The following C13orf42 variants were observed in gnomAD, a reference collection of about 807,000 sequenced individuals.
C13orf42 encodes chromosome 13 open reading frame 42.
intron 1 of C13orf42, among the ~76,000 whole-genome samples, chr13:51,121,001 G>A (rs1421696970): frequency 6.6e-6 from 1 of 152,170 alleles, no homozygotes; most frequent in Non-Finnish European, 1.5e-5. Context: ...GCGACTGAGC[G>A]AGACTCCGTC....
chr13:51,141,445 G>T (rs1252715043), intron 1 of C13orf42, among the ~76,000 whole-genome samples: 3 of 152,052 alleles, frequency 2.0e-5, no homozygotes, highest in Non-Finnish European at 4.4e-5. Flanking sequence ...GTATTTATGT[G>T]TTGGGTACAG....
rs756560842 is a variant in C13orf42 at position 51,085,435 on chromosome 13, G to A, written c.687C>T (p.Thr229=). ...HTVDGQFRRS[T]EHRTVGTQRR... The stretch of plus-strand genomic sequence containing the variant: ...TCTGAGTGCCCACGGTCCTGTGCTC[G>A]GTGCTCCTTCGAAACTGGCCGTCTA... Residue 229 remains threonine (T), a synonymous_variant, in exon 3 of 4, where the codon ACC becomes ACT. Transcript: ENST00000563710. 19 of 398,442 alleles carry A rather than the reference G, an allele frequency of 4.8e-5. No homozygotes were observed. Among genetic ancestry groups the A allele is most frequent in the East Asian group, 1.1e-4 (3 of 28,082 alleles). 24.7% of individuals were successfully genotyped at this position (398,442 alleles called of 1,614,324 possible).
intron 1 of C13orf42, among the ~76,000 whole-genome samples, chr13:51,131,848 T>C (rs192922745): frequency 2.3e-4 from 35 of 152,370 alleles, no homozygotes; most frequent in African/African-American, 7.9e-4. Context: ...TATTAAACTT[T>C]AGTCTCATCA....
At chr13:51,109,613 G>C (rs989197106) in intron 1 of C13orf42, among the ~76,000 whole-genome samples, 1 of 152,030 alleles carries the variant, frequency 6.6e-6, no homozygotes, top group African/African-American at 2.4e-5. Flanking sequence ...AATTAGCCGC[G>C]TGTGGTGGCA....
At chr13:51,099,046 C>T (rs1269903699) in intron 1 of C13orf42, among the ~76,000 whole-genome samples, 1 of 152,156 alleles carries the variant, frequency 6.6e-6, no homozygotes, top group Non-Finnish European at 1.5e-5. Flanking sequence ...CAAAACAAGC[C>T]AAATTTACCC....
chr13:51,144,516 T>TTTCTCCAGAATTGGAAACTAC (rs1593550748), intron 1 of C13orf42, among the ~76,000 whole-genome samples: 13 of 117,756 alleles, frequency 1.1e-4, no homozygotes, highest in Admixed American at 1.5e-4. Flanking sequence ...TCTGTTTTCA[T>TTTCTCCAGAATTGGAAACTAC]TTGTAACAGG....
intron 1 of C13orf42, among the ~76,000 whole-genome samples, chr13:51,091,584 C>T (rs1243360767): frequency 1.3e-5 from 2 of 152,178 alleles, no homozygotes; most frequent in Admixed American, 1.3e-4. Flanking sequence ...GGTACCTAAT[C>T]CCAGTGGTTG....
chr13:51,108,431 C>T (rs1001669828), intron 1 of C13orf42, among the ~76,000 whole-genome samples: 7 of 152,132 alleles, frequency 4.6e-5, no homozygotes, highest in South Asian at 4.1e-4. Flanking sequence ...TCCCCTGTCC[C>T]GGCAATGCAC....
chr13:51,090,324 T>C (rs1459069836), intron 1 of C13orf42, among the ~76,000 whole-genome samples: 1 of 152,166 alleles, frequency 6.6e-6, no homozygotes, highest in Non-Finnish European at 1.5e-5. Flanking sequence ...TAGGTTCCCA[T>C]GGGTCTCATT....
chr13:51,153,380 T>A (rs1253346816), intron 1 of C13orf42, among the ~76,000 whole-genome samples: 1 of 151,854 alleles, frequency 6.6e-6, no homozygotes, highest in Non-Finnish European at 1.5e-5. Context: ...GTGTCTGCAC[T>A]CACCCAATGC....
chr13:51,094,561 C>T (rs924558724), intron 1 of C13orf42, among the ~76,000 whole-genome samples: 10 of 152,030 alleles, frequency 6.6e-5, no homozygotes, highest in African/African-American at 2.2e-4. Context: ...GTATTTTTAC[C>T]TTTTCCCAGT....
At chr13:51,087,779 G>A in intron 2 of C13orf42, 149 bp downstream of exon 2, 1 of 393,824 alleles carries the variant, frequency 2.5e-6, no homozygotes. Flanking sequence ...GCTCCAGCTT[G>A]GAGGTGCAGG....
At chr13:51,140,972 T>G (rs1953690711) in intron 1 of C13orf42, among the ~76,000 whole-genome samples, 1 of 152,180 alleles carries the variant, frequency 6.6e-6, no homozygotes, top group Non-Finnish European at 1.5e-5. Context: ...GTGATTATTG[T>G]TAGTTTAGCA....
chr13:51,134,513 T>C (rs372015919), intron 1 of C13orf42, among the ~76,000 whole-genome samples: 2 of 152,218 alleles, frequency 1.3e-5, no homozygotes, highest in African/African-American at 4.8e-5. Context: ...GGATTTATGA[T>C]GGTTAATAGG....
chr13:51,167,782 ACT>A (rs1953913650), intron 1 of C13orf42, among the ~76,000 whole-genome samples: 1 of 152,062 alleles, frequency 6.6e-6, no homozygotes, highest in Admixed American at 6.5e-5. Context: ...CGGCTAATCA[ACT>A]CTAGCGGTTT....
chr13:51,117,514 C>T (rs1012600420), intron 1 of C13orf42, among the ~76,000 whole-genome samples: 2 of 152,164 alleles, frequency 1.3e-5, no homozygotes, highest in South Asian at 4.1e-4. Flanking sequence ...GCTTATGCTT[C>T]CTTATCAAAC....
At chr13:51,169,324 A>G (rs1328657314) in intron 1 of C13orf42, among the ~76,000 whole-genome samples, 1 of 152,236 alleles carries the variant, frequency 6.6e-6, no homozygotes, top group African/African-American at 2.4e-5. Flanking sequence ...AACCAGAGCC[A>G]AAGTCACTTT....
intron 1 of C13orf42, among the ~76,000 whole-genome samples, chr13:51,145,326 A>AC (rs571284452): frequency 1.3e-5 from 2 of 151,434 alleles, no homozygotes; most frequent in African/African-American, 4.9e-5. Context: ...GTCTATATCG[A>AC]TTTTTTTTTC....
Position 51,146,578 on chromosome 13 carries a change from A to G in C13orf42, n.136+25675T>C, listed in dbSNP as rs553647999. 7.7e-4 allele frequency among the ~76,000 whole-genome samples: 117 copies of G among 152,334 alleles called. 1 individual carries two copies. Among genetic ancestry groups the G allele is most frequent in the African/African-American group, 2.7e-3 (111 of 41,574 alleles). On this transcript the variant is annotated intron_variant and non_coding_transcript_variant, in intron 1 of 4. Coordinates refer to the C13orf42 transcript ENST00000433280. ...AGGGAGACATGAGACATCAATCAAT[A>G]TATGTAAGATGAGCATTGGTTTGAT...
Sources: gnomAD v4.1 joint callset for allele counts (sites outside exome capture counted in the v4.1 genomes callset) on GRCh38, gnomAD v4.1.1 for gene constraint, MANE v1.5 for transcripts, NCBI Gene and HGNC (gene_info 2026-07-23, HGNC 2026-07-21) for gene names.